The following C6orf89 variants were observed in gnomAD, a reference collection of about 807,000 sequenced individuals.
The protein encoded by C6orf89 is chromosome 6 open reading frame 89, also known as bombesin receptor-activated protein C6orf89.
C6orf89 carries 29 observed loss-of-function variants against 40.7 expected under a neutral mutation model. The observed-to-expected ratio is 0.71, with a 90% CI of 0.53 to 0.97. The LOEUF (loss-of-function observed/expected upper bound fraction) is 0.97, where lower values mean the gene tolerates loss of function less well. C6orf89 is among the 50% of genes least tolerant of loss of function. The probability of loss-of-function intolerance (pLI) is 0.00; values close to 1 mark genes in which losing one functional copy is unlikely to be tolerated. For missense variants in C6orf89, 392 were observed against 429.1 expected, an observed-to-expected ratio of 0.91 and a Z score of 0.76; for synonymous variants, 165 against 152.2, an observed-to-expected ratio of 1.08 and a Z score of -0.62.
chr6:36,872,750 G>A (rs1180784399), intron 1 of C6orf89, among the ~76,000 whole-genome samples: 1 of 152,182 alleles, frequency 6.6e-6, no homozygotes, highest in African/African-American at 2.4e-5. Flanking sequence ...TGGGACTACA[G>A]GCATGCATCA....
At chr6:36,874,757 G>A in intron 1 of C6orf89, 1 of 1,614,158 alleles carries the variant, frequency 6.2e-7, no homozygotes. Context: ...CAGGAATCTG[G>A]GGGAATTGCC....
chr6:36,882,439 G>T (rs565168442), upstream of C6orf89, among the ~76,000 whole-genome samples: 1 of 152,236 alleles, frequency 6.6e-6, no homozygotes, highest in African/African-American at 2.4e-5. Flanking sequence ...TATTCAAGAG[G>T]ACGTAAGTCC....
In C6orf89 at chr6:36,928,855, G is replaced by A. The variant is rs576358393; in HGVS notation, c.*5414G>A. On this transcript the variant is annotated 3_prime_UTR_variant, in exon 9 of 9. Transcript: ENST00000480824. ...GCTTTTAGTATGTGTTCAAGTGCAG[G>A]ATACTACAAACTGGTAAAGACTTCC... 3 of 152,340 alleles carry A rather than the reference G, an allele frequency of 2.0e-5. No homozygotes were observed. The highest frequency in any genetic ancestry group is 2.0e-4 in the Admixed American group (3 of 15,296). The allele number at this position is 152,340 out of a possible 1,614,324, so 9.4% of individuals were successfully genotyped here. A position where few individuals can be genotyped will look rare whatever the true frequency, so the allele number is the denominator to read the frequency against.
intron 7 of C6orf89, among the ~76,000 whole-genome samples, chr6:36,917,487 G>A (rs535791574): frequency 2.0e-5 from 3 of 152,160 alleles, no homozygotes; most frequent in East Asian, 3.9e-4. Context: ...AGCCTGGATC[G>A]GTTTGGGAGA....
upstream of C6orf89, among the ~76,000 whole-genome samples, chr6:36,883,794 T>C (rs987741417): frequency 6.6e-6 from 1 of 152,222 alleles, no homozygotes; most frequent in Non-Finnish European, 1.5e-5. Flanking sequence ...TAATTTGAAA[T>C]GTCTCCCTCA....
At chr6:36,899,740 C>T (rs916264495) in intron 3 of C6orf89, 107 bp downstream of exon 3, 16 of 1,134,224 alleles carry the variant, frequency 1.4e-5, no homozygotes, top group Admixed American at 6.5e-5. Flanking sequence ...TTGGTTTTTC[C>T]GTGAATAAAT....
intron 5 of C6orf89, 32 bp downstream of exon 5, chr6:36,914,467 GCTGCT>G: frequency 6.2e-7 from 1 of 1,613,460 alleles, no homozygotes. Flanking sequence ...CCGCTGATTG[GCTGCT>G]TGCTTAAAGG....
At chr6:36,875,613 AAT>A (rs1329838526) in intron 1 of C6orf89, among the ~76,000 whole-genome samples, 3 of 145,630 alleles carry the variant, frequency 2.1e-5, no homozygotes, top group Admixed American at 1.4e-4. Flanking sequence ...ACAAAAATGA[AAT>A]AGAGTACCTA....
chr6:36,917,993 A>T (rs1246634819), intron 7 of C6orf89, among the ~76,000 whole-genome samples: 3 of 152,228 alleles, frequency 2.0e-5, no homozygotes, highest in Non-Finnish European at 2.9e-5. Context: ...TTGAGAACCC[A>T]GTTTCTTAGA....
intron 1 of C6orf89, among the ~76,000 whole-genome samples, chr6:36,888,939 G>A (rs1775094234): frequency 6.6e-6 from 1 of 152,194 alleles, no homozygotes; most frequent in Non-Finnish European, 1.5e-5. Flanking sequence ...GGGGAAAACA[G>A]TAAGTTGGGT....
intron 1 of C6orf89, among the ~76,000 whole-genome samples, chr6:36,878,074 T>C (rs979455940): frequency 3.3e-5 from 5 of 152,344 alleles, no homozygotes; most frequent in African/African-American, 1.2e-4. Flanking sequence ...AGATCTGCAA[T>C]GCATCTAGAA....
chr6:36,906,863 T>G (rs1761946659), intron 4 of C6orf89, among the ~76,000 whole-genome samples: 1 of 152,242 alleles, frequency 6.6e-6, no homozygotes, highest in Non-Finnish European at 1.5e-5. Flanking sequence ...AACTTTGTCA[T>G]GGGCTTTGCA....
At chr6:36,921,725 G>A (rs1762514883) in intron 8 of C6orf89, among the ~76,000 whole-genome samples, 1 of 152,002 alleles carries the variant, frequency 6.6e-6, no homozygotes, top group Non-Finnish European at 1.5e-5. Context: ...ATTTTTAAGT[G>A]TACAAGACAG....
chr6:36,915,985 T>C (rs570101077), intron 6 of C6orf89, among the ~76,000 whole-genome samples: 1 of 152,314 alleles, frequency 6.6e-6, no homozygotes, highest in East Asian at 1.9e-4. Flanking sequence ...TTTCTTTAAA[T>C]GTGCTGTTTG....
upstream of C6orf89, chr6:36,883,227 G>A (rs1311428382): frequency 6.6e-6 from 1 of 152,186 alleles, no homozygotes; most frequent in Non-Finnish European, 1.5e-5. Flanking sequence ...CAGAGAAAGA[G>A]AAAGACTGTC....
At chr6:36,915,199 G>A (rs1240193039) in intron 6 of C6orf89, among the ~76,000 whole-genome samples, 2 of 152,264 alleles carry the variant, frequency 1.3e-5, no homozygotes, top group African/African-American at 4.8e-5. Flanking sequence ...TGCCACCATG[G>A]GGGGGACAGC....
chr6:36,897,084 G>A (rs1254828551), intron 2 of C6orf89, among the ~76,000 whole-genome samples: 9 of 143,296 alleles, frequency 6.3e-5, no homozygotes, highest in African/African-American at 7.9e-5. Flanking sequence ...AGCCAAGATC[G>A]CGCCACTGCA....
chr6:36,909,319 A>AT (rs917788802), intron 4 of C6orf89, among the ~76,000 whole-genome samples: 1 of 152,060 alleles, frequency 6.6e-6, no homozygotes, highest in Non-Finnish European at 1.5e-5. Context: ...TGCATTTTAA[A>AT]TTTTAATAAA....
chr6:36,919,959 G>A (rs111476404), intron 8 of C6orf89, among the ~76,000 whole-genome samples: 10 of 152,254 alleles, frequency 6.6e-5, no homozygotes, highest in African/African-American at 2.4e-4. Context: ...AGTTAGGAAG[G>A]ATTCTGGAAA....
Sources: gnomAD v4.1 joint callset for allele counts (sites outside exome capture counted in the v4.1 genomes callset) on GRCh38, gnomAD v4.1.1 for gene constraint, MANE v1.5 for transcripts, NCBI Gene and HGNC (gene_info 2026-07-23, HGNC 2026-07-21) for gene names.